ZNF624: variants seen among roughly 807,000 people sequenced by gnomAD.
The protein encoded by ZNF624 is zinc finger protein 624.
In ZNF624, 43 loss-of-function variants were observed where a neutral mutation model predicts 74.7. The observed-to-expected ratio is 0.58, with a 90% CI of 0.45 to 0.74. ZNF624 has a LOEUF of 0.74. Ranked by LOEUF, ZNF624 falls within the 30% of genes least tolerant of loss-of-function variation. The pLI is 0.00. For missense variants in ZNF624, 820 were observed against 1,030.0 expected (o/e 0.80, Z 2.79); for synonymous variants, 331 against 341.3 (o/e 0.97, Z 0.33).
In ZNF624 at chr17:16,623,166, G is replaced by A; in HGVS notation, c.1720C>T (p.His574Tyr). 6.2e-7 allele frequency: 1 copy of A among 1,613,880 alleles called. No homozygotes were observed. The highest frequency in any genetic ancestry group is 8.5e-7 in the Non-Finnish European group (1 of 1,179,968). ...AFMRSSSLII[H>Y]QRIHTEEKPY... ...TTCTCTTCAGTATGAATACGCTGAT[G>A]TATAATTAGAGAAGAAGAACGCATG... Residue 574 changes from histidine (H) to tyrosine (Y), a missense_variant, in exon 6 of 6, where the codon CAT becomes TAT. His to Tyr is a moderately conservative substitution (Grantham distance 83). Coordinates refer to ENST00000311331, the MANE Select transcript of ZNF624 (RefSeq NM_020787.4). The surrounding 1 kb of genome is among the most constrained non-coding windows in gnomAD (Gnocchi z 5.3).
downstream of ZNF624, among the ~76,000 whole-genome samples, chr17:16,620,359 A>G (rs1042075160): frequency 6.6e-6 from 1 of 152,206 alleles, no homozygotes; most frequent in Non-Finnish European, 1.5e-5. Context: ...ACACTTCATC[A>G]TGCAAAGTTC....
At chr17:16,629,130 AGAG>A (rs1260451562) in intron 5 of ZNF624, among the ~76,000 whole-genome samples, 1 of 145,988 alleles carries the variant, frequency 6.8e-6, no homozygotes, top group Non-Finnish European at 1.5e-5. Flanking sequence ...ACCAGGAGGC[AGAG>A]GTTGCAGTGA....
At chr17:16,627,879 G>A (rs956032096) in intron 5 of ZNF624, among the ~76,000 whole-genome samples, 1 of 152,076 alleles carries the variant, frequency 6.6e-6, no homozygotes, top group Admixed American at 6.6e-5. Flanking sequence ...ATCCTCTGTG[G>A]GAAAGATTAC....
intron 2 of ZNF624, among the ~76,000 whole-genome samples, chr17:16,648,959 G>T (rs1909656897): frequency 6.6e-6 from 1 of 152,210 alleles, no homozygotes; most frequent in African/African-American, 2.4e-5. Flanking sequence ...AATCTCACTT[G>T]TAATTCAGTA....
At chr17:16,617,352 C>T, downstream of ZNF624, 2 of 1,613,610 alleles carry the variant, frequency 1.2e-6, no homozygotes, top group Non-Finnish European at 1.7e-6. Context: ...CTTCAATAAG[C>T]CTAATATTTC....
At chr17:16,635,472 A>C (rs1473564123) in intron 3 of ZNF624, among the ~76,000 whole-genome samples, 1 of 152,074 alleles carries the variant, frequency 6.6e-6, no homozygotes, top group Admixed American at 6.6e-5. Flanking sequence ...TTATAAATGA[A>C]ATAAAAAATT....
chr17:16,624,853 C>CAAAAAAAAAAAAAAAAAAAAAAAA (rs59170659), intron 5 of ZNF624: 2 of 43,952 alleles, frequency 4.6e-5, no homozygotes, highest in African/African-American at 1.1e-4. Flanking sequence ...CCTGTCTCTA[C>CAAAAAAAAAAAAAAAAAAAAAAAA]AAAAAAAAAA....
chr17:16,615,210 G>A, the ZNF624 span, among the ~76,000 whole-genome samples: 2 of 152,160 alleles, frequency 1.3e-5, no homozygotes, highest in South Asian at 2.1e-4. Flanking sequence ...CCATTCTCCT[G>A]CCTCAGCCTC....
At chr17:16,619,791 G>A (rs533142698), downstream of ZNF624, among the ~76,000 whole-genome samples, 2 of 152,298 alleles carry the variant, frequency 1.3e-5, no homozygotes, top group East Asian at 3.9e-4. Context: ...TTCTTGAGGC[G>A]TTTGCCTCTA....
rs969313539 is a variant in ZNF624 at position 16,652,828 on chromosome 17, C to T, written c.-3+936G>A. On this transcript the variant is annotated intron_variant, in intron 1 of 5. Transcript: ENST00000311331. Reference sequence around the variant, plus strand: ...GCTGGCCACATCCCCAGGTTCTAACCCTGCTTTGGCTACCGTAAAACTGTG... The same window carrying T: ...GCTGGCCACATCCCCAGGTTCTAACTCTGCTTTGGCTACCGTAAAACTGTG... Among the ~76,000 whole-genome samples the T allele has an allele frequency of 5.3e-5, 8 of 152,170 alleles. 1 individual carries two copies. The highest frequency in any genetic ancestry group is 1.2e-4 in the Non-Finnish European group (8 of 68,030).
intron 5 of ZNF624, among the ~76,000 whole-genome samples, chr17:16,626,952 G>T (rs1427463987): frequency 6.6e-6 from 1 of 152,140 alleles, no homozygotes; most frequent in Non-Finnish European, 1.5e-5. Flanking sequence ...CTACTCGGGA[G>T]GCTGAGGCAG....
At position 16,622,769 on chromosome 17, in the gene ZNF624, G is replaced by A; in HGVS notation, c.2117C>T (p.Thr706Ile). The stretch of plus-strand genomic sequence containing the variant: ...ATGTGTATTAAAGCCTGAGTTACTT[G>A]TGAAAACCTTTCCACATTCATTGCA... The part of the protein sequence containing the change: ...YKCNECGKVF[T>I]SNSGFNTHQR... The change falls in exon 6 of 6, where the codon ACA (threonine) becomes ATA (isoleucine). Residue 706 changes from threonine to isoleucine, a missense_variant. Coordinates refer to ENST00000311331, the MANE Select transcript of ZNF624 (RefSeq NM_020787.4). 1 of 1,613,556 alleles carries A rather than the reference G, an allele frequency of 6.2e-7. No individual in the cohort carries two copies. The highest frequency in any genetic ancestry group is 8.5e-7 in the Non-Finnish European group (1 of 1,179,922).
intron 3 of ZNF624, among the ~76,000 whole-genome samples, chr17:16,646,992 C>T (rs1476810550): frequency 2.0e-5 from 3 of 152,156 alleles, no homozygotes; most frequent in Non-Finnish European, 2.9e-5. Context: ...AATATCTAAA[C>T]CAATTTAAAC....
At chr17:16,652,595 T>C (rs1909752638) in intron 1 of ZNF624, among the ~76,000 whole-genome samples, 1 of 152,218 alleles carries the variant, frequency 6.6e-6, no homozygotes, top group African/African-American at 2.4e-5. Context: ...TAAACAATAT[T>C]TAACATTTAA....
downstream of ZNF624, chr17:16,617,738 G>T: frequency 6.2e-7 from 1 of 1,602,732 alleles, no homozygotes; most frequent in Non-Finnish European, 8.5e-7. Context: ...GGGCGTCGTC[G>T]GTGTCGCGGG....
At chr17:16,631,950 A>T (rs1909217873) in intron 5 of ZNF624, among the ~76,000 whole-genome samples, 1 of 152,240 alleles carries the variant, frequency 6.6e-6, no homozygotes, top group Non-Finnish European at 1.5e-5. Context: ...AGAAAAAGGA[A>T]ATATGAACAG....
intron 5 of ZNF624, among the ~76,000 whole-genome samples, chr17:16,630,441 C>A (rs1296932402): frequency 6.6e-6 from 1 of 152,072 alleles, no homozygotes; most frequent in African/African-American, 2.4e-5. Context: ...CCTGTAATCC[C>A]AGCTACTGAA....
In ZNF624 at chr17:16,647,399, T is replaced by C. The variant is rs768992804; in HGVS notation, c.88-5A>G. On this transcript the variant is annotated splice_region_variant and splice_polypyrimidine_tract_variant and intron_variant, in intron 2 of 5. Transcript: ENST00000311331. ...TGGCTGGGTAACTTCAGGGCTCTGA[T>C]GGGATACAGGATAAGATCATTCAGT... is the stretch of plus-strand genomic sequence containing the variant. 14 of 1,613,998 alleles carry C rather than the reference T, an allele frequency of 8.7e-6. No individual in the cohort carries two copies. The highest frequency in any genetic ancestry group is 1.0e-5 in the Non-Finnish European group (12 of 1,179,858).
rs528183490 is a variant in ZNF624 at position 16,649,904 on chromosome 17, G to C, written c.-2-158C>G. Among the ~76,000 whole-genome samples, 5 of 152,284 alleles carry C rather than the reference G, an allele frequency of 3.3e-5. No individual in the cohort carries two copies. The South Asian group carries it at 1.0e-3, about 32-fold the overall frequency. The stretch of plus-strand genomic sequence containing the variant: ...GGACAAAGACCCTTGCTCCGGCAGA[G>C]CTCAAGATTTTAGCACTGTTAACTA... On this transcript the variant is annotated intron_variant, in intron 1 of 5. Coordinates refer to ENST00000311331, the MANE Select transcript of ZNF624 (RefSeq NM_020787.4).
Sources: gnomAD v4.1 joint callset for allele counts (sites outside exome capture counted in the v4.1 genomes callset) on GRCh38, gnomAD v4.1.1 for gene constraint, Gnocchi (gnomAD v3.1) non-coding constraint, MANE v1.5 for transcripts, NCBI Gene and HGNC (gene_info 2026-07-23, HGNC 2026-07-21) for gene names.